The following STAG1 variants were observed in gnomAD, a reference collection of about 807,000 sequenced individuals.
STAG1 encodes the protein STAG1 cohesin complex component.
Under a neutral mutation model 170.9 loss-of-function variants are expected in STAG1, and 26 were observed. The observed-to-expected ratio is 0.15, with a 90% CI of 0.11 to 0.21. STAG1 has a LOEUF of 0.21. Ranked by LOEUF, STAG1 falls within the 10% of genes least tolerant of loss-of-function variation. The pLI, the probability that STAG1 is intolerant of heterozygous loss-of-function variation, is 1.00. For missense variants in STAG1, 964 were observed against 1,509.5 expected (o/e 0.64, Z 5.99); for synonymous variants, 514 against 497.7 (o/e 1.03, Z -0.44).
chr3:136,445,344 G>A, intron 14 of STAG1, among the ~76,000 whole-genome samples: 1 of 152,004 alleles, frequency 6.6e-6, no homozygotes, highest in Non-Finnish European at 1.5e-5. Context: ...AACAAGAGGT[G>A]CACAACTCAA....
chr3:136,609,263 A>G (rs1939132385), intron 3 of STAG1: 2 of 152,246 alleles, frequency 1.3e-5, no homozygotes, highest in East Asian at 3.9e-4. Flanking sequence ...TGAGCCCAGG[A>G]GTTCAAGACC....
intron 1 of STAG1, among the ~76,000 whole-genome samples, chr3:136,635,316 T>C (rs1338722494): frequency 1.3e-5 from 2 of 151,996 alleles, no homozygotes; most frequent in Non-Finnish European, 2.9e-5. Flanking sequence ...TGGTTCAACA[T>C]TCAAAAATCA....
chr3:136,549,292 T>C (rs530457990), intron 5 of STAG1, among the ~76,000 whole-genome samples: 72 of 152,290 alleles, frequency 4.7e-4, no homozygotes, highest in East Asian at 4.1e-3. Context: ...TGTAACATTT[T>C]TGTGGAATAA....
At chr3:136,706,727 C>A (rs867602656) in intron 1 of STAG1, among the ~76,000 whole-genome samples, 1 of 152,112 alleles carries the variant, frequency 6.6e-6, no homozygotes, top group Admixed American at 6.6e-5. Context: ...CAAACTCATA[C>A]AGAATTGCAA....
chr3:136,569,484 A>G (rs1356792027), intron 4 of STAG1, among the ~76,000 whole-genome samples: 1 of 151,936 alleles, frequency 6.6e-6, no homozygotes, highest in Non-Finnish European at 1.5e-5. Flanking sequence ...AGACTAAAAT[A>G]TATTTGTTGT....
At chr3:136,748,046 A>G (rs1296112024) in intron 1 of STAG1, among the ~76,000 whole-genome samples, 1 of 146,150 alleles carries the variant, frequency 6.8e-6, no homozygotes, top group Non-Finnish European at 1.5e-5. Flanking sequence ...AAGTGCTGGG[A>G]TTACAGGCGT....
rs752054472 is a variant in STAG1 at position 136,337,959 on chromosome 3, A to AATT, written c.*292_*294dup. 3.3e-6 allele frequency: 1 copy of AATT among 303,264 alleles called. No individual in the cohort carries two copies. Among genetic ancestry groups the AATT allele is most frequent in the Non-Finnish European group, 6.0e-6 (1 of 165,448 alleles). The allele number at this position is 303,264 out of a possible 1,614,324, so 18.8% of individuals were successfully genotyped here. A position where few individuals can be genotyped will look rare whatever the true frequency, so the allele number is the denominator to read the frequency against. On this transcript the variant is annotated 3_prime_UTR_variant, in exon 34 of 34. Transcript: ENST00000383202. ...TGTTTATCTTGACAGCTGTTTTAAA[A>AATT]ATTTAAAATTTCTTCCTCCCTCCAG...
chr3:136,452,172 C>T (rs902777332), intron 13 of STAG1, 25 bp from the exon 14 acceptor site: 1 of 1,449,352 alleles, frequency 6.9e-7, no homozygotes, highest in Admixed American at 1.7e-5. Flanking sequence ...CAGGGCATTG[C>T]AAAGTTACAT....
chr3:136,531,527 T>C (rs911500364), intron 6 of STAG1, among the ~76,000 whole-genome samples: 4 of 150,366 alleles, frequency 2.7e-5, no homozygotes, highest in Non-Finnish European at 5.9e-5. Context: ...CCAACGATGA[T>C]AGACTGGATT....
chr3:136,486,728 C>T (rs2090020333), intron 9 of STAG1, among the ~76,000 whole-genome samples: 1 of 152,116 alleles, frequency 6.6e-6, no homozygotes, highest in Non-Finnish European at 1.5e-5. Context: ...TTCCATCTAA[C>T]TCTTCCAACT....
chr3:136,459,748 A>T (rs2089222871), intron 13 of STAG1, among the ~76,000 whole-genome samples: 1 of 152,198 alleles, frequency 6.6e-6, no homozygotes, highest in Non-Finnish European at 1.5e-5. Context: ...ATTAGACAAC[A>T]CGCTCCTGAA....
At chr3:136,677,027 T>C (rs549066256) in intron 1 of STAG1, among the ~76,000 whole-genome samples, 2 of 152,162 alleles carry the variant, frequency 1.3e-5, no homozygotes, top group South Asian at 2.1e-4. Context: ...TCATCTCTTA[T>C]GATAACAATA....
intron 9 of STAG1, among the ~76,000 whole-genome samples, chr3:136,497,913 C>T (rs1933211643): frequency 6.7e-6 from 1 of 150,120 alleles, no homozygotes; most frequent in South Asian, 2.1e-4. Context: ...TACAGCTAGG[C>T]CGGGCCTGGT....
At chr3:136,659,886 A>T (rs1399052731) in intron 1 of STAG1, among the ~76,000 whole-genome samples, 3 of 152,164 alleles carry the variant, frequency 2.0e-5, no homozygotes, top group African/African-American at 7.2e-5. Context: ...TGGTATACTG[A>T]ATTTTTTTTT....
At chr3:136,544,889 A>G (rs575146270) in intron 5 of STAG1, among the ~76,000 whole-genome samples, 1 of 152,346 alleles carries the variant, frequency 6.6e-6, no homozygotes, top group African/African-American at 2.4e-5. Flanking sequence ...CAAATAGCAG[A>G]TGCTTTCTAA....
At chr3:136,487,899 T>C (rs1425792304) in intron 9 of STAG1, among the ~76,000 whole-genome samples, 1 of 152,210 alleles carries the variant, frequency 6.6e-6, no homozygotes, top group Non-Finnish European at 1.5e-5. Context: ...TATGTCTTGA[T>C]GACATTCAAG....
At chr3:136,443,203 T>C in intron 15 of STAG1, 84 bp downstream of exon 15, 1 of 900,582 alleles carries the variant, frequency 1.1e-6, no homozygotes, top group South Asian at 2.0e-5. Flanking sequence ...TATATGCTCA[T>C]TTTTAAGAAG....
chr3:136,526,516 T>TACAGC (rs1935040411), intron 6 of STAG1, among the ~76,000 whole-genome samples: 1 of 152,210 alleles, frequency 6.6e-6, no homozygotes, highest in South Asian at 2.1e-4. Context: ...GTCTCCTGAA[T>TACAGC]ACAGCACACT....
At chr3:136,427,102 G>A (rs1040850028) in intron 16 of STAG1, among the ~76,000 whole-genome samples, 97 of 149,266 alleles carry the variant, frequency 6.5e-4, no homozygotes, top group African/African-American at 2.4e-3. Flanking sequence ...GGTGGCAAGC[G>A]CATGTAATCC....
Sources: gnomAD v4.1 joint callset for allele counts (sites outside exome capture counted in the v4.1 genomes callset) on GRCh38, gnomAD v4.1.1 for gene constraint, MANE v1.5 for transcripts, NCBI Gene and HGNC (gene_info 2026-07-23, HGNC 2026-07-21) for gene names.